Variants in MTMR12 observed in about 807,000 individuals in gnomAD.
The protein encoded by MTMR12 is myotubularin related protein 12, also known as myotubularin-related protein 12.
In MTMR12, 33 loss-of-function variants were observed where a neutral mutation model predicts 96.7. That is an observed-to-expected ratio of 0.34 (90% CI 0.26 to 0.46). MTMR12 has a LOEUF of 0.46. Among genes scored for constraint, MTMR12 ranks in the 20% least tolerant of loss-of-function variants. The pLI is 1.00. For missense variants in MTMR12, 721 were observed against 896.1 expected (o/e 0.80, Z 2.49); for synonymous variants, 298 against 327.2 (o/e 0.91, Z 0.96).
At chr5:32,297,551 GTT>G (rs61395255) in intron 1 of MTMR12, among the ~76,000 whole-genome samples, 43,094 of 142,732 alleles carry the variant, frequency 0.3, 6,273 homozygotes, top group Middle Eastern at 0.44. Context: ...CTGACCTCAG[GTT>G]TTTTTTTTTT....
In MTMR12 at chr5:32,312,363, A is replaced by T. The variant is rs1380215785; in HGVS notation, c.81+395T>A. Among the ~76,000 whole-genome samples, 2 of 152,318 alleles carry T rather than the reference A, an allele frequency of 1.3e-5. No individual in the cohort carries two copies. The highest frequency in any genetic ancestry group is 6.5e-5 in the Admixed American group (1 of 15,308). ...GCTTCTGGGCTCACTGAGAAAGTCC[A>T]GAGGCAGGACGGACCCACGCGGGCT... On this transcript the variant is annotated intron_variant, in intron 1 of 15. Coordinates refer to ENST00000382142, the MANE Select transcript of MTMR12 (RefSeq NM_001040446.3). The surrounding 1 kb of genome is among the most constrained non-coding windows in gnomAD (Gnocchi z 5.0).
chr5:32,233,640 A>C lies in MTMR12; in HGVS notation c.1674+133T>G. On this transcript the variant is annotated intron_variant, in intron 15 of 15. Coordinates refer to ENST00000382142, the MANE Select transcript of MTMR12 (RefSeq NM_001040446.3). The surrounding 1 kb of genome is among the most constrained non-coding windows in gnomAD (Gnocchi z 5.0). ...TCTAATGGCCCTTGACAATTTGACC[A>C]TCACAAGTCTCAACTCTGCAGACTG... 1 of 1,268,676 alleles carries C rather than the reference A, an allele frequency of 7.9e-7. No homozygotes were observed. Among genetic ancestry groups the C allele is most frequent in the Non-Finnish European group, 1.1e-6 (1 of 905,402 alleles). The allele number at this position is 1,268,676 out of a possible 1,614,324, so 78.6% of individuals were successfully genotyped here.
At chr5:32,270,485 G>A (rs935421509) in intron 5 of MTMR12, among the ~76,000 whole-genome samples, 1 of 152,144 alleles carries the variant, frequency 6.6e-6, no homozygotes, top group African/African-American at 2.4e-5. Context: ...GTCAGAGGTG[G>A]GAGAATAGGG....
At chr5:32,279,409 A>T (rs1030261553) in intron 1 of MTMR12, among the ~76,000 whole-genome samples, 3 of 152,074 alleles carry the variant, frequency 2.0e-5, no homozygotes, top group Non-Finnish European at 4.4e-5. Context: ...AACAGAGCAA[A>T]ACCGTGTCTC....
chr5:32,269,848 G>A (rs560950524), intron 5 of MTMR12, among the ~76,000 whole-genome samples: 16 of 152,244 alleles, frequency 1.1e-4, no homozygotes, highest in East Asian at 1.9e-4. Context: ...AATCTATCAC[G>A]CTGTTTCGTG....
intron 11 of MTMR12, among the ~76,000 whole-genome samples, chr5:32,242,799 A>G (rs549368274): frequency 3.8e-4 from 58 of 152,048 alleles, no homozygotes; most frequent in Non-Finnish European, 7.2e-4. Context: ...GCCATTATAT[A>G]TTCAAATTAT....
intron 12 of MTMR12, among the ~76,000 whole-genome samples, chr5:32,241,234 T>C (rs1228362387): frequency 6.6e-6 from 1 of 152,178 alleles, no homozygotes; most frequent in Non-Finnish European, 1.5e-5. Flanking sequence ...TTAAGGCAAC[T>C]CTCTCATTAG....
At position 32,250,056 on chromosome 5, in the gene MTMR12, T is replaced by C. The variant is rs375511775; in HGVS notation, c.790-1178A>G. 4.6e-5 allele frequency among the ~76,000 whole-genome samples: 7 copies of C among 152,328 alleles called. No individual in the cohort carries two copies. The East Asian group carries it at 1.4e-3, about 29-fold the overall frequency. On this transcript the variant is annotated intron_variant, in intron 8 of 15. Coordinates refer to ENST00000382142, the MANE Select transcript of MTMR12 (RefSeq NM_001040446.3). The stretch of plus-strand genomic sequence containing the variant: ...TCATCTGCCAGGTATAAACCATGTG[T>C]TGGATATGCTAGCAGTGGCGTAGAC...
At chr5:32,262,351 A>G (rs1160539300) in intron 7 of MTMR12, among the ~76,000 whole-genome samples, 2 of 152,188 alleles carry the variant, frequency 1.3e-5, no homozygotes, top group East Asian at 3.8e-4. Context: ...CTGTAATCCT[A>G]GAAGTTTGGA....
intron 9 of MTMR12, 58 bp from the exon 10 acceptor site, chr5:32,248,184 T>G: frequency 6.4e-7 from 1 of 1,573,100 alleles, no homozygotes; most frequent in Admixed American, 1.7e-5. Context: ...TGCTTAAGGA[T>G]TTACTACGTG....
At chr5:32,291,884 G>A (rs1171653469) in intron 1 of MTMR12, among the ~76,000 whole-genome samples, 1 of 152,188 alleles carries the variant, frequency 6.6e-6, no homozygotes, top group African/African-American at 2.4e-5. Flanking sequence ...TCATTGAAAG[G>A]GCAGAGGTTT....
At chr5:32,297,034 C>T (rs1214057236) in intron 1 of MTMR12, among the ~76,000 whole-genome samples, 3 of 144,416 alleles carry the variant, frequency 2.1e-5, no homozygotes, top group Non-Finnish European at 3.0e-5. Flanking sequence ...ACCTGGGAGG[C>T]GGAGCTTGCA....
rs540836618 is a variant in MTMR12 at position 32,300,593 on chromosome 5, G to C, written c.81+12165C>G. On this transcript the variant is annotated intron_variant, in intron 1 of 15. Coordinates refer to ENST00000382142, the MANE Select transcript of MTMR12 (RefSeq NM_001040446.3). ...CCCAGAGCTCCCATACCCCCTCTCT[G>C]TCTGCCACCCAGATTACATCTGCCA... 2.6e-5 allele frequency among the ~76,000 whole-genome samples: 4 copies of C among 152,144 alleles called. No individual in the cohort carries two copies. In the South Asian group the frequency reaches 6.2e-4, roughly 24 times the overall value.
In MTMR12 at chr5:32,228,536, T is replaced by TATATATATCATATATATGTG. The variant is rs1747826683; in HGVS notation, c.*1222_*1241dup. ...AAAAAAATATATATCATATATATGA[T>TATATATATCATATATATGTG]ATATATATCATATATATGTGATATA... On this transcript the variant is annotated 3_prime_UTR_variant, in exon 16 of 16. Coordinates refer to ENST00000382142, the MANE Select transcript of MTMR12 (RefSeq NM_001040446.3). 7.1e-6 allele frequency: 1 copy of TATATATATCATATATATGTG among 140,398 alleles called. No individual in the cohort carries two copies. The highest frequency in any genetic ancestry group is 1.5e-5 in the Non-Finnish European group (1 of 66,184). 8.7% of individuals were successfully genotyped at this position (140,398 alleles called of 1,614,324 possible). A position where few individuals can be genotyped will look rare whatever the true frequency, so the allele number is the denominator to read the frequency against.
At chr5:32,231,880 A>C (rs548501196) in intron 15 of MTMR12, among the ~76,000 whole-genome samples, 1 of 152,218 alleles carries the variant, frequency 6.6e-6, no homozygotes, top group Admixed American at 6.5e-5. Flanking sequence ...TTCACTGAGC[A>C]CCTCATTCTC....
At chr5:32,242,229 C>A in intron 11 of MTMR12, 102 bp from the exon 12 acceptor site, 7 of 698,158 alleles carry the variant, frequency 1.0e-5, no homozygotes, top group Non-Finnish European at 1.6e-5. Context: ...TCAGTCTTCT[C>A]TCTTATTTTT....
At chr5:32,288,977 G>A (rs996035697) in intron 1 of MTMR12, among the ~76,000 whole-genome samples, 2 of 152,194 alleles carry the variant, frequency 1.3e-5, no homozygotes, top group Non-Finnish European at 2.9e-5. Flanking sequence ...TCTTTGAAGA[G>A]CCCTGTAATT....
chr5:32,310,275 C>T (rs1321737497), intron 1 of MTMR12, among the ~76,000 whole-genome samples: 1 of 152,150 alleles, frequency 6.6e-6, no homozygotes, highest in Non-Finnish European at 1.5e-5. Context: ...TGTACTTCAA[C>T]CTAAGCGACA....
chr5:32,244,292 GAA>G (rs61038640), intron 10 of MTMR12, among the ~76,000 whole-genome samples: 16 of 101,916 alleles, frequency 1.6e-4, no homozygotes, highest in African/African-American at 5.0e-4. Context: ...AAAATGAAAA[GAA>G]AAAAAAAAAA....
Sources: allele counts gnomAD v4.1 joint callset (sites outside exome capture counted in the v4.1 genomes callset), GRCh38; gene constraint gnomAD v4.1.1; non-coding constraint Gnocchi (gnomAD v3.1); transcripts MANE v1.5; gene names NCBI Gene and HGNC (gene_info 2026-07-23, HGNC 2026-07-21).